Variants in ZNF423 observed in about 807,000 individuals in gnomAD.
ZNF423 encodes Ebf-associated zinc finger protein.
In ZNF423, 12 loss-of-function variants were observed where a neutral mutation model predicts 95.8. The observed-to-expected ratio is 0.13, with a 90% CI of 0.08 to 0.20. The LOEUF is 0.20. Among genes scored for constraint, ZNF423 ranks in the 10% least tolerant of loss-of-function variants. ZNF423 has a pLI of 1.00. For synonymous variants in ZNF423, 749 were observed against 711.9 expected, an observed-to-expected ratio of 1.05 and a Z score of -0.83; for missense variants, 1,316 against 1,737.1, an observed-to-expected ratio of 0.76 and a Z score of 4.31.
At chr16:49,563,966 C>T (rs1168012305) in intron 5 of ZNF423, among the ~76,000 whole-genome samples, 4 of 152,214 alleles carry the variant, frequency 2.6e-5, no homozygotes, top group Non-Finnish European at 5.9e-5. Flanking sequence ...GGAAGCCAGG[C>T]CTCTTCCCAA....
intron 2 of ZNF423, among the ~76,000 whole-genome samples, chr16:49,778,198 T>C (rs1262956682): frequency 6.6e-6 from 1 of 152,130 alleles, no homozygotes; most frequent in Admixed American, 6.5e-5. Context: ...TGAGAGTGTG[T>C]GTGTGTGTGC....
At chr16:49,591,006 C>A (rs866649015) in intron 5 of ZNF423, among the ~76,000 whole-genome samples, 11 of 152,386 alleles carry the variant, frequency 7.2e-5, no homozygotes, top group Middle Eastern at 6.8e-3. Context: ...GAACACCAAG[C>A]AGCCACTAAA....
In ZNF423 at chr16:49,507,322, C is replaced by T. The variant is rs150734572; in HGVS notation, c.3850-16018G>A. 4.7e-4 allele frequency among the ~76,000 whole-genome samples: 72 copies of T among 151,824 alleles called. No individual in the cohort carries two copies. The East Asian group carries it at 0.012, about 26-fold the overall frequency. On this transcript the variant is annotated intron_variant, in intron 7 of 7. Transcript: ENST00000563137. ...TCCCACATTTTTTTTTTGGTAGATA[C>T]GGGGTCTCATTATGTTGTCCAGCCT...
intron 5 of ZNF423, among the ~76,000 whole-genome samples, chr16:49,600,654 G>T (rs1971335283): frequency 6.6e-6 from 1 of 152,132 alleles, no homozygotes; most frequent in South Asian, 2.1e-4. Flanking sequence ...CTCTCGTGGG[G>T]AGCAGGAAGG....
chr16:49,575,407 T>TC lies in ZNF423; in HGVS notation c.3602-49914dup, dbSNP rs530635830. On this transcript the variant is annotated intron_variant, in intron 5 of 7. Coordinates refer to ENST00000563137, the MANE Select transcript of ZNF423 (RefSeq NM_001379286.1). ...AAACTAGCTTCTCAGATCAGCAGTT[T>TC]CCCCTCCTACTTGCCGCAGCCCCTT... Among the ~76,000 whole-genome samples the TC allele has an allele frequency of 3.1e-4, 47 of 152,202 alleles. No homozygotes were observed. In the South Asian group the frequency reaches 9.3e-3, roughly 30 times the overall value.
intron 7 of ZNF423, among the ~76,000 whole-genome samples, chr16:49,507,611 C>A (rs573393775): frequency 6.9e-6 from 1 of 145,914 alleles, no homozygotes; most frequent in Non-Finnish European, 1.5e-5. Flanking sequence ...ACACTCAAAC[C>A]CAAATGAGTA....
intron 1 of ZNF423, among the ~76,000 whole-genome samples, chr16:49,798,367 G>A (rs1055171520): frequency 1.3e-5 from 2 of 152,116 alleles, no homozygotes; most frequent in Non-Finnish European, 2.9e-5. Context: ...AATTAGCTGG[G>A]TGTGATGATG....
chr16:49,542,607 G>C (rs1969292171), intron 5 of ZNF423, among the ~76,000 whole-genome samples: 2 of 152,240 alleles, frequency 1.3e-5, no homozygotes. Flanking sequence ...ACAGATGCCA[G>C]GGAGGCCTGG....
At chr16:49,556,401 C>G (rs892792996) in intron 5 of ZNF423, among the ~76,000 whole-genome samples, 1 of 152,176 alleles carries the variant, frequency 6.6e-6, no homozygotes, top group African/African-American at 2.4e-5. Context: ...ATTTTTCTAT[C>G]CCAGCGTCTC....
chr16:49,556,286 G>A (rs1023216809), intron 5 of ZNF423, among the ~76,000 whole-genome samples: 1 of 152,096 alleles, frequency 6.6e-6, no homozygotes, highest in East Asian at 1.9e-4. Context: ...ATTCCCTGTG[G>A]CTCTCATCAC....
intron 1 of ZNF423, among the ~76,000 whole-genome samples, chr16:49,842,456 A>G (rs929712621): frequency 2.0e-4 from 29 of 146,276 alleles, no homozygotes; most frequent in Admixed American, 2.1e-4. Context: ...CAGGCCCATA[A>G]ACATAAAAGG....
At chr16:49,663,408 G>T (rs2151916819) in intron 3 of ZNF423, among the ~76,000 whole-genome samples, 1 of 152,018 alleles carries the variant, frequency 6.6e-6, no homozygotes, top group South Asian at 2.1e-4. Context: ...CCCCCCTCGA[G>T]GCCCTACAGA....
intron 4 of ZNF423, among the ~76,000 whole-genome samples, chr16:49,626,486 C>T (rs186833954): frequency 6.6e-6 from 1 of 152,214 alleles, no homozygotes; most frequent in Non-Finnish European, 1.5e-5. Flanking sequence ...TCTGGGAAAA[C>T]TGCCATCTCA....
intron 4 of ZNF423, among the ~76,000 whole-genome samples, chr16:49,627,667 C>T (rs984819058): frequency 5.3e-5 from 8 of 150,618 alleles, no homozygotes; most frequent in African/African-American, 2.0e-4. Flanking sequence ...TACACACACA[C>T]ATACCCATAT....
chr16:49,758,977 C>G (rs566461589), intron 2 of ZNF423, among the ~76,000 whole-genome samples: 3 of 152,162 alleles, frequency 2.0e-5, no homozygotes, highest in Non-Finnish European at 2.9e-5. Flanking sequence ...ATTTCTAGAC[C>G]TGGGAAGTGG....
At chr16:49,657,949 G>A (rs945948321) in intron 3 of ZNF423, among the ~76,000 whole-genome samples, 4 of 152,212 alleles carry the variant, frequency 2.6e-5, no homozygotes, top group East Asian at 1.9e-4. Flanking sequence ...AGAGGCCACC[G>A]TCAGGGTCTG....
At chr16:49,735,391 C>A (rs1158592892) in intron 2 of ZNF423, among the ~76,000 whole-genome samples, 1 of 152,182 alleles carries the variant, frequency 6.6e-6, no homozygotes, top group Non-Finnish European at 1.5e-5. Context: ...TGCACTCATG[C>A]TTTTGTGGGC....
At chr16:49,833,273 C>T (rs894602381) in intron 1 of ZNF423, among the ~76,000 whole-genome samples, 6 of 152,254 alleles carry the variant, frequency 3.9e-5, no homozygotes, top group African/African-American at 1.2e-4. Context: ...TTCCTGGAGC[C>T]TGAATTTCCT....
intron 1 of ZNF423, among the ~76,000 whole-genome samples, chr16:49,837,611 T>C (rs1420855197): frequency 2.0e-5 from 3 of 152,194 alleles, no homozygotes. Context: ...CCTTCATCCC[T>C]GCTCCAGCCC....
Sources: allele counts gnomAD v4.1 joint callset (sites outside exome capture counted in the v4.1 genomes callset), GRCh38; gene constraint gnomAD v4.1.1; transcripts MANE v1.5; gene names NCBI Gene and HGNC (gene_info 2026-07-23, HGNC 2026-07-21).